The following TPCN1 variants were observed in gnomAD, a reference collection of about 807,000 sequenced individuals.
TPCN1 encodes the protein two pore channel protein 1.
Under a neutral mutation model 108.8 loss-of-function variants are expected in TPCN1, and 52 were observed. The ratio of observed to expected loss-of-function variants is 0.48; its 90% confidence interval spans 0.38 to 0.60. The LOEUF is 0.60. TPCN1 is among the 20% of genes least tolerant of loss of function. The pLI is 0.00. For missense variants in TPCN1, 806 were observed against 1,072.8 expected, an observed-to-expected ratio of 0.75 and a Z score of 3.47; for synonymous variants, 446 against 433.7, an observed-to-expected ratio of 1.03 and a Z score of -0.35.
At chr12:113,255,861 G>A (rs1394337639) in intron 2 of TPCN1, among the ~76,000 whole-genome samples, 7 of 151,536 alleles carry the variant, frequency 4.6e-5, no homozygotes, top group Non-Finnish European at 8.8e-5. Flanking sequence ...ATCTTGCTCT[G>A]TCACCCAGGC....
At chr12:113,277,962 C>T (rs916082107) in intron 12 of TPCN1, among the ~76,000 whole-genome samples, 6 of 152,150 alleles carry the variant, frequency 3.9e-5, no homozygotes, top group Admixed American at 6.5e-5. Context: ...TTAGTGCCAT[C>T]GGTGGAGACT....
chr12:113,269,672 C>A lies in TPCN1; in HGVS notation c.660-85C>A. 2 of 1,136,686 alleles carry A rather than the reference C, an allele frequency of 1.8e-6. No individual in the cohort carries two copies. Among genetic ancestry groups the A allele is most frequent in the South Asian group, 1.3e-5 (1 of 77,226 alleles). The allele number at this position is 1,136,686 out of a possible 1,614,324, so 70.4% of individuals were successfully genotyped here. On this transcript the variant is annotated intron_variant, in intron 6 of 27. Transcript: ENST00000335509. This position sits in a 1 kb window ranked among gnomAD's most constrained non-coding sequence, Gnocchi z 5.0. ...AGGGTTTAGTATTTCGAGTCAGAAGCACTAGGCCTCCATCTCAACAAGGAG... is the reference window on the plus strand; with the variant it reads ...AGGGTTTAGTATTTCGAGTCAGAAGAACTAGGCCTCCATCTCAACAAGGAG...
At chr12:113,225,189 G>A (rs984690070) in intron 1 of TPCN1, 11 of 448,718 alleles carry the variant, frequency 2.5e-5, no homozygotes, top group Non-Finnish European at 4.9e-5. Flanking sequence ...CAAGCAGCTA[G>A]GCCTACAGGC....
chr12:113,296,905 C>G lies in TPCN1; in HGVS notation c.*829C>G, dbSNP rs754763799. On this transcript the variant is annotated 3_prime_UTR_variant, in exon 28 of 28. Coordinates refer to ENST00000335509, the MANE Select transcript of TPCN1 (RefSeq NM_017901.6). ...GCTCTTGACCAAATCCCTTTTTTTGCGATTTACCCGTTCAAGCAAAACAAC... is the reference window on the plus strand; with the variant it reads ...GCTCTTGACCAAATCCCTTTTTTTGGGATTTACCCGTTCAAGCAAAACAAC... 6.6e-6 allele frequency: 1 copy of G among 152,172 alleles called. No individual in the cohort carries two copies. Among genetic ancestry groups the G allele is most frequent in the Non-Finnish European group, 1.5e-5 (1 of 68,038 alleles). 9.4% of individuals were successfully genotyped at this position (152,172 alleles called of 1,614,324 possible).
At chr12:113,267,403 C>CTT (rs542057561) in intron 4 of TPCN1, among the ~76,000 whole-genome samples, 2 of 145,210 alleles carry the variant, frequency 1.4e-5, no homozygotes, top group Non-Finnish European at 1.5e-5. Context: ...GTTTTTCTTA[C>CTT]TTTTTTTTTT....
Position 113,284,818 on chromosome 12 carries a change from C to G in TPCN1, c.1453+47C>G, listed in dbSNP as rs2136717786. 6.3e-7 allele frequency: 1 copy of G among 1,598,936 alleles called. No homozygotes were observed. The highest frequency in any genetic ancestry group is 2.2e-5 in the East Asian group (1 of 44,802). On this transcript the variant is annotated intron_variant, in intron 17 of 27. Transcript: ENST00000335509. This position sits in a 1 kb window ranked among gnomAD's most constrained non-coding sequence, Gnocchi z 4.1. ...GCTGGACTGCTTGTTTTAAAATTGTCTGGGAGAACTTTCATTCAGTGTAGA... is the reference window on the plus strand; with the variant it reads ...GCTGGACTGCTTGTTTTAAAATTGTGTGGGAGAACTTTCATTCAGTGTAGA...
intron 22 of TPCN1, among the ~76,000 whole-genome samples, chr12:113,290,474 CG>C (rs1440895056): frequency 1.3e-5 from 2 of 152,172 alleles, no homozygotes; most frequent in Non-Finnish European, 1.5e-5. Context: ...TTCTCAGTAC[CG>C]GGGAGGACAA....
At chr12:113,278,004 G>A (rs1260241884) in intron 12 of TPCN1, among the ~76,000 whole-genome samples, 185 bp from the exon 13 acceptor site, 1 of 152,156 alleles carries the variant, frequency 6.6e-6, no homozygotes, top group Non-Finnish European at 1.5e-5. Flanking sequence ...GTACCTCAAG[G>A]TCAGAGGAGA....
intron 1 of TPCN1, among the ~76,000 whole-genome samples, chr12:113,225,592 G>A (rs1407162684): frequency 1.3e-5 from 2 of 151,114 alleles, no homozygotes; most frequent in Admixed American, 6.6e-5. Flanking sequence ...ACAGAGTCTC[G>A]CCCTGTCACC....
intron 15 of TPCN1, among the ~76,000 whole-genome samples, chr12:113,281,259 C>T (rs535723487): frequency 2.6e-5 from 4 of 152,102 alleles, no homozygotes; most frequent in Non-Finnish European, 4.4e-5. Context: ...AGGATGGTCT[C>T]GAACTCCTGA....
At chr12:113,292,839 G>A in intron 25 of TPCN1, 95 bp from the exon 26 acceptor site, 1 of 1,399,224 alleles carries the variant, frequency 7.1e-7, no homozygotes, top group Non-Finnish European at 9.7e-7. Context: ...AGAACCTTAA[G>A]ACCCCCTGCG....
chr12:113,251,893 G>A (rs1954649020), intron 2 of TPCN1, among the ~76,000 whole-genome samples: 1 of 152,242 alleles, frequency 6.6e-6, no homozygotes, highest in Non-Finnish European at 1.5e-5. Flanking sequence ...GGTCAGGAAA[G>A]GCCTGGACAG....
Position 113,280,144 on chromosome 12 carries a change from C to T in TPCN1, c.1298-7C>T, listed in dbSNP as rs987995304. ...TTTACATTTTAACTTGTCTTTTCTT[C>T]AAATAGGTATTAATATCCTTGTGAA... On this transcript the variant is annotated splice_polypyrimidine_tract_variant and splice_region_variant and intron_variant, in intron 14 of 27. Transcript: ENST00000335509. The T allele has an allele frequency of 2.5e-6, 4 of 1,595,750 alleles. No homozygotes were observed. In the African/African-American group the frequency reaches 5.4e-5, roughly 21 times the overall value.
At position 113,267,971 on chromosome 12, in the gene TPCN1, C is replaced by A; in HGVS notation, c.528+15C>A. The A allele has an allele frequency of 6.4e-7, 1 of 1,555,414 alleles. No individual in the cohort carries two copies. Among genetic ancestry groups the A allele is most frequent in the Non-Finnish European group, 8.8e-7 (1 of 1,130,484 alleles). On this transcript the variant is annotated intron_variant, in intron 5 of 27. Coordinates refer to ENST00000335509, the MANE Select transcript of TPCN1 (RefSeq NM_017901.6). ...CCATGGTCAAGGTGATGTGTCCGCC[C>A]ATCTGTCCCTCCCCTCACAGCCTTT...
chr12:113,296,178 A>G lies in TPCN1; in HGVS notation c.*102A>G. 6.7e-7 allele frequency: 1 copy of G among 1,481,728 alleles called. No homozygotes were observed. Among genetic ancestry groups the G allele is most frequent in the Non-Finnish European group, 9.1e-7 (1 of 1,097,942 alleles). The allele number at this position is 1,481,728 out of a possible 1,614,324, so 91.8% of individuals were successfully genotyped here. A position where few individuals can be genotyped will look rare whatever the true frequency, so the allele number is the denominator to read the frequency against. On this transcript the variant is annotated 3_prime_UTR_variant, in exon 28 of 28. Transcript: ENST00000335509. ...TGTGTACACATACTCACGTATATGC[A>G]CATATTTATATACAGGAAGAAAAAA...
At chr12:113,286,348 C>T (rs546582785) in intron 18 of TPCN1, among the ~76,000 whole-genome samples, 4 of 132,324 alleles carry the variant, frequency 3.0e-5, no homozygotes, top group South Asian at 4.8e-4. Flanking sequence ...TTCCCCAGAG[C>T]GTTGGAGGTC....
intron 2 of TPCN1, among the ~76,000 whole-genome samples, chr12:113,237,899 C>A (rs911321477): frequency 6.6e-6 from 1 of 152,218 alleles, no homozygotes; most frequent in East Asian, 1.9e-4. Context: ...CCTAATCCCA[C>A]CACACCCAGC....
chr12:113,291,054 G>T, intron 23 of TPCN1, 56 bp downstream of exon 23: 1 of 1,520,476 alleles, frequency 6.6e-7, no homozygotes, highest in South Asian at 1.1e-5. Flanking sequence ...GGTCGGCCCT[G>T]GGTCTCCCCC....
chr12:113,239,389 G>T (rs890356994), intron 2 of TPCN1, among the ~76,000 whole-genome samples: 5 of 152,314 alleles, frequency 3.3e-5, no homozygotes, highest in African/African-American at 7.2e-5. Context: ...TAATGCCTGG[G>T]TGTTAATGGC....
Sources: allele counts gnomAD v4.1 joint callset (sites outside exome capture counted in the v4.1 genomes callset), GRCh38; gene constraint gnomAD v4.1.1; non-coding constraint Gnocchi (gnomAD v3.1); transcripts MANE v1.5; gene names NCBI Gene and HGNC (gene_info 2026-07-23, HGNC 2026-07-21).